Variants in SYNPO2 observed in about 807,000 individuals in gnomAD.
The protein encoded by SYNPO2 is synaptopodin 2.
SYNPO2 carries 56 observed loss-of-function variants against 85.0 expected under a neutral mutation model. The ratio of observed to expected loss-of-function variants is 0.66; its 90% CI spans 0.53 to 0.82. The LOEUF (loss-of-function observed/expected upper bound fraction) is 0.82, where lower values mean the gene tolerates loss of function less well. Ranked by LOEUF, SYNPO2 falls within the 40% of genes least tolerant of loss-of-function variation. The pLI is 0.00. For missense variants in SYNPO2, 1,575 were observed against 1,534.2 expected, an observed-to-expected ratio of 1.03 and a Z score of -0.44; for synonymous variants, 602 against 591.1, an observed-to-expected ratio of 1.02 and a Z score of -0.27.
chr4:119,050,940 C>G (rs926272205), intron 4 of SYNPO2, among the ~76,000 whole-genome samples: 16 of 152,130 alleles, frequency 1.1e-4, no homozygotes, highest in African/African-American at 3.9e-4. Flanking sequence ...TTAAGAAGAT[C>G]AAGATATTAT....
At chr4:118,879,243 G>A (rs1292344609) in intron 1 of SYNPO2, among the ~76,000 whole-genome samples, 1 of 152,200 alleles carries the variant, frequency 6.6e-6, no homozygotes, top group East Asian at 1.9e-4. Flanking sequence ...TGAAGTCAGG[G>A]AGACCATGAA....
intron 1 of SYNPO2, among the ~76,000 whole-genome samples, chr4:118,867,655 A>AT (rs1433022974): frequency 4.6e-5 from 7 of 151,718 alleles, no homozygotes; most frequent in East Asian, 3.9e-4. Flanking sequence ...TTCCTCATGT[A>AT]TTTTTTTTAC....
intron 4 of SYNPO2, among the ~76,000 whole-genome samples, chr4:119,039,098 T>C (rs551110379): frequency 6.6e-6 from 1 of 152,252 alleles, no homozygotes; most frequent in African/African-American, 2.4e-5. Context: ...GAACCACTAA[T>C]AAGGTAACAA....
At chr4:119,040,686 A>G (rs1318779116) in intron 4 of SYNPO2, among the ~76,000 whole-genome samples, 2 of 152,240 alleles carry the variant, frequency 1.3e-5, no homozygotes, top group Non-Finnish European at 2.9e-5. Context: ...CATATTCTCT[A>G]AACAGGATAG....
chr4:118,869,720 T>A (rs550170894), intron 1 of SYNPO2, among the ~76,000 whole-genome samples: 40 of 152,300 alleles, frequency 2.6e-4, no homozygotes, highest in African/African-American at 9.6e-4. Context: ...AACTTACAAC[T>A]GGGAGATAGG....
intron 1 of SYNPO2, among the ~76,000 whole-genome samples, chr4:118,979,235 G>T (rs1374827952): frequency 3.3e-5 from 5 of 152,134 alleles, no homozygotes; most frequent in African/African-American, 1.2e-4. Context: ...CTCCTGCTTA[G>T]CTATCTCTTG....
At chr4:118,885,030 G>T (rs952664959), upstream of SYNPO2, among the ~76,000 whole-genome samples, 1 of 152,214 alleles carries the variant, frequency 6.6e-6, no homozygotes, top group Non-Finnish European at 1.5e-5. Flanking sequence ...AGGATGAGGA[G>T]AAATTATTAG....
intron 1 of SYNPO2, among the ~76,000 whole-genome samples, chr4:118,942,915 T>C (rs549443995): frequency 6.6e-6 from 1 of 150,912 alleles, no homozygotes; most frequent in Non-Finnish European, 1.5e-5. Flanking sequence ...GAGACCATCC[T>C]GGCCAACATA....
intron 1 of SYNPO2, among the ~76,000 whole-genome samples, chr4:118,868,789 A>C (rs904747340): frequency 5.9e-5 from 9 of 152,226 alleles, no homozygotes; most frequent in African/African-American, 2.2e-4. Context: ...ATTTAAGGCC[A>C]GATTTGTCAA....
chr4:118,992,061 A>G (rs1437769233), intron 1 of SYNPO2, among the ~76,000 whole-genome samples: 1 of 152,194 alleles, frequency 6.6e-6, no homozygotes, highest in Non-Finnish European at 1.5e-5. Flanking sequence ...GCCTCACTTT[A>G]GCCTGGAGGA....
chr4:118,983,666 A>T (rs1257570795), intron 1 of SYNPO2, among the ~76,000 whole-genome samples: 1 of 152,078 alleles, frequency 6.6e-6, no homozygotes, highest in African/African-American at 2.4e-5. Flanking sequence ...TGATATAAGA[A>T]TTTTTCAGTA....
At chr4:118,891,127 G>T (rs893710528) in intron 1 of SYNPO2, among the ~76,000 whole-genome samples, 4 of 152,080 alleles carry the variant, frequency 2.6e-5, no homozygotes, top group Admixed American at 1.3e-4. Context: ...CAGTAAGGTT[G>T]TTAGGCTATG....
intron 1 of SYNPO2, among the ~76,000 whole-genome samples, chr4:119,009,061 TA>T (rs745864979): frequency 5.3e-5 from 8 of 152,220 alleles, no homozygotes; most frequent in Non-Finnish European, 1.2e-4. Flanking sequence ...AGAGAATTAA[TA>T]AAAATTATAG....
At chr4:119,010,324 AG>A (rs1737243434) in intron 1 of SYNPO2, among the ~76,000 whole-genome samples, 1 of 152,234 alleles carries the variant, frequency 6.6e-6, no homozygotes, top group Non-Finnish European at 1.5e-5. Flanking sequence ...ATGGCTAGGA[AG>A]GCCTCAGAAT....
Position 118,972,827 on chromosome 4 carries a change from G to A in SYNPO2, c.106-50603G>A, listed in dbSNP as rs199530237. The stretch of plus-strand genomic sequence containing the variant: ...CAGTTTACTTTTCATCACATAGTGA[G>A]TGCTTAATAATTTCAGTGTCTTTCA... On this transcript the variant is annotated intron_variant, in intron 1 of 4. Transcript: ENST00000307142. Among the ~76,000 whole-genome samples, 10 of 152,294 alleles carry A rather than the reference G, an allele frequency of 6.6e-5. No individual in the cohort carries two copies. The East Asian group carries it at 1.9e-3, about 29-fold the overall frequency.
chr4:118,932,599 A>T (rs978124653), intron 1 of SYNPO2, among the ~76,000 whole-genome samples: 1 of 152,226 alleles, frequency 6.6e-6, no homozygotes, highest in Non-Finnish European at 1.5e-5. Context: ...AGGCCTTCAT[A>T]GAAACTGAGC....
At chr4:118,913,688 C>T (rs1219278424) in intron 1 of SYNPO2, among the ~76,000 whole-genome samples, 2 of 151,754 alleles carry the variant, frequency 1.3e-5, no homozygotes, top group South Asian at 2.1e-4. Context: ...GTGTCAGGGT[C>T]GCAGGAAAAC....
chr4:118,949,173 A>G (rs1222830154), intron 1 of SYNPO2, among the ~76,000 whole-genome samples: 2 of 152,144 alleles, frequency 1.3e-5, no homozygotes, highest in South Asian at 2.1e-4. Flanking sequence ...TGTAGGAATG[A>G]CAATGGTTCG....
chr4:119,057,270 G>A, intron 4 of SYNPO2, 131 bp from the exon 5 acceptor site: 1 of 1,063,166 alleles, frequency 9.4e-7, no homozygotes, highest in Non-Finnish European at 1.3e-6. Flanking sequence ...TAAGCATTCT[G>A]GGGGGTTAAT....
Sources: allele counts gnomAD v4.1 joint callset (sites outside exome capture counted in the v4.1 genomes callset), GRCh38; gene constraint gnomAD v4.1.1; transcripts MANE v1.5; gene names NCBI Gene and HGNC (gene_info 2026-07-23, HGNC 2026-07-21).